The following SOX5 variants were observed in gnomAD, a reference collection of about 807,000 sequenced individuals.
SOX5 encodes transcription factor SOX-5.
In SOX5, 9 loss-of-function variants were observed where a neutral mutation model predicts 92.0. That is an observed-to-expected ratio of 0.10 (90% confidence interval 0.06 to 0.17). The LOEUF (loss-of-function observed/expected upper bound fraction) is 0.17, where lower values mean the gene tolerates loss of function less well. SOX5 is among the 10% of genes least tolerant of loss of function. The pLI is 1.00. For missense variants in SOX5, 642 were observed against 944.5 expected (o/e 0.68, Z 4.20); for synonymous variants, 344 against 336.3 (o/e 1.02, Z -0.25).
rs189810691 is a variant in SOX5, at chr12:23,688,088, C to T, written c.811-22524G>A. Among the ~76,000 whole-genome samples the T allele has an allele frequency of 1.8e-4, 27 of 152,120 alleles. 1 individual carries two copies. In the East Asian group the frequency reaches 4.8e-3, roughly 27 times the overall value. ...CTCTTTCTGTAGATCTATTTGGCTACAATTATGCTGATGCTGTACTTACAT... is the reference window on the plus strand; with the variant it reads ...CTCTTTCTGTAGATCTATTTGGCTATAATTATGCTGATGCTGTACTTACAT... On this transcript the variant is annotated intron_variant, in intron 6 of 14. Transcript: ENST00000451604.
intron 5 of SOX5, among the ~76,000 whole-genome samples, chr12:23,735,623 T>C (rs2093561505): frequency 6.6e-6 from 1 of 152,206 alleles, no homozygotes; most frequent in Non-Finnish European, 1.5e-5. Flanking sequence ...TGTGCTTCTC[T>C]AGCCTAGAAC....
intron 2 of SOX5, among the ~76,000 whole-genome samples, chr12:23,891,415 T>C (rs1051354813): frequency 3.9e-5 from 6 of 152,224 alleles, no homozygotes; most frequent in African/African-American, 1.4e-4. Context: ...TCAAGAACTC[T>C]TTCCAACTTA....
At chr12:24,350,027 G>A (rs973662163) in intron 2 of SOX5, among the ~76,000 whole-genome samples, 1 of 152,132 alleles carries the variant, frequency 6.6e-6, no homozygotes, top group Admixed American at 6.5e-5. Context: ...GGCAGTTTTG[G>A]AGACAAAATT....
chr12:24,127,357 T>C (rs1949203441), intron 4 of SOX5, among the ~76,000 whole-genome samples: 1 of 150,988 alleles, frequency 6.6e-6, no homozygotes, highest in African/African-American at 2.4e-5. Flanking sequence ...CCCCACTGCA[T>C]TCCAGCCTGG....
At chr12:24,047,828 C>A (rs1032361830) in intron 4 of SOX5, among the ~76,000 whole-genome samples, 12 of 152,156 alleles carry the variant, frequency 7.9e-5, no homozygotes, top group Admixed American at 7.2e-4. Flanking sequence ...CCAAGAAAGT[C>A]TCACTTTTTA....
intron 7 of SOX5, among the ~76,000 whole-genome samples, chr12:23,643,815 C>T (rs1368346925): frequency 6.6e-6 from 1 of 151,990 alleles, no homozygotes; most frequent in Non-Finnish European, 1.5e-5. Context: ...AGAGTGTGAT[C>T]AACAAAGGAT....
At position 24,362,223 on chromosome 12, in the gene SOX5, C is replaced by T. The variant is rs117745368; in HGVS notation, c.-174+6340G>A. ...CTCCAGAGTATGACAATTAAAAGTA[C>T]GTTACAGAAGTCATAAGGGGCACAT... On this transcript the variant is annotated intron_variant, in intron 2 of 4. Coordinates refer to the SOX5 transcript ENST00000446891. 4.1e-4 allele frequency among the ~76,000 whole-genome samples: 63 copies of T among 152,274 alleles called. 1 individual carries two copies. In the East Asian group the frequency reaches 9.1e-3, roughly 22 times the overall value.
chr12:24,434,038 A>G (rs1596582250), intron 1 of SOX5, among the ~76,000 whole-genome samples: 2 of 152,222 alleles, frequency 1.3e-5, no homozygotes, highest in Non-Finnish European at 2.9e-5. Context: ...GAGAGAGAAC[A>G]GTCTCTCGGA....
chr12:23,540,361 TATAATAATAATAATAATA>T (rs5797023), intron 13 of SOX5, among the ~76,000 whole-genome samples: 13,999 of 142,738 alleles, frequency 0.098, 1,641 homozygotes, highest in African/African-American at 0.27. Context: ...AAACTTAAAG[TATAATAATAATAATAATA>T]ATAATAATAA....
chr12:23,600,462 C>T (rs2074292518), intron 9 of SOX5, among the ~76,000 whole-genome samples: 1 of 141,906 alleles, frequency 7.0e-6, no homozygotes, highest in South Asian at 2.2e-4. Flanking sequence ...TAAAATCTGT[C>T]AATGCTCTTA....
In SOX5 at chr12:23,534,442, TG is replaced by T; in HGVS notation, c.2068del (p.His690ThrfsTer26). The T allele has an allele frequency of 6.2e-7, 1 of 1,613,994 alleles. No homozygotes were observed. Among genetic ancestry groups the T allele is most frequent in the Non-Finnish European group, 8.5e-7 (1 of 1,179,980 alleles). On this transcript the variant is annotated frameshift_variant, in exon 15 of 15. Coordinates refer to ENST00000451604, the MANE Select transcript of SOX5 (RefSeq NM_006940.6). LOFTEE classifies it high-confidence loss of function. ...CACGCTTGAGTGCTCCGAGGGCAGGTGAGGGGAGGGCATCCCAGCCATGGCG... is the reference window on the plus strand; with the variant it reads ...CACGCTTGAGTGCTCCGAGGGCAGGTAGGGGAGGGCATCCCAGCCATGGCG... The part of the protein sequence containing the change: ...AIAMAGMPSP[H>X]LPSEHSSVSS...
intron 1 of SOX5, among the ~76,000 whole-genome samples, chr12:24,475,706 G>C (rs1250804928): frequency 5.9e-5 from 9 of 152,226 alleles, no homozygotes; most frequent in South Asian, 2.1e-4. Context: ...AGAGAGCCAG[G>C]TGCAGTGGCT....
intron 4 of SOX5, among the ~76,000 whole-genome samples, chr12:23,958,803 G>T (rs1454338402): frequency 6.6e-6 from 1 of 150,976 alleles, no homozygotes; most frequent in Admixed American, 6.6e-5. Context: ...GTTATACTTA[G>T]TAAAATATAT....
intron 4 of SOX5, among the ~76,000 whole-genome samples, chr12:23,994,044 G>A (rs1302914764): frequency 6.6e-6 from 1 of 151,918 alleles, no homozygotes; most frequent in African/African-American, 2.4e-5. Flanking sequence ...AGCTCAGGAG[G>A]TCGAGGCTGC....
At position 23,792,622 on chromosome 12, in the gene SOX5, CAAAAAAAAAAAAAAAAAAAA is replaced by C. The variant is rs749845598; in HGVS notation, c.482-36918_482-36899del. Among the ~76,000 whole-genome samples the C allele has an allele frequency of 1.7e-3, 66 of 38,968 alleles. No homozygotes were observed. The South Asian group carries it at 0.041, about 24-fold the overall frequency. The allele number at this position is 38,968 out of a possible 152,430, so 25.6% of individuals were successfully genotyped here. ...TGGGCAATAGAGTGAGGCTCTGTCT[CAAAAAAAAAAAAAAAAAAAA>C]AAAAAAAAAAAAAAAAAAAACTTGG... is the stretch of plus-strand genomic sequence containing the variant. On this transcript the variant is annotated intron_variant, in intron 3 of 14. Coordinates refer to ENST00000451604, the MANE Select transcript of SOX5 (RefSeq NM_006940.6).
In SOX5 at chr12:24,276,550, T is replaced by A. The variant is rs192150775; in HGVS notation, c.-77+666A>T. ...ACAGAATTCCTTCCTTTCATCCTTT[T>A]CTGCAGTTACCTGCATGATGACTAG... On this transcript the variant is annotated intron_variant, in intron 3 of 4. Transcript: ENST00000446891. Among the ~76,000 whole-genome samples the A allele has an allele frequency of 7.9e-5, 12 of 152,316 alleles. No homozygotes were observed. In the East Asian group the frequency reaches 1.9e-3, roughly 24 times the overall value.
At chr12:24,274,365 G>A (rs1473587543) in intron 3 of SOX5, among the ~76,000 whole-genome samples, 1 of 152,098 alleles carries the variant, frequency 6.6e-6, no homozygotes, top group Non-Finnish European at 1.5e-5. Context: ...TTTATAAAGT[G>A]ACTCTATCTC....
At chr12:23,855,265 C>A (rs916450748) in intron 2 of SOX5, among the ~76,000 whole-genome samples, 3 of 151,662 alleles carry the variant, frequency 2.0e-5, no homozygotes, top group African/African-American at 7.3e-5. Context: ...TTAAAGATAA[C>A]CTAATACAAA....
chr12:23,742,470 A>G (rs1443871790), intron 4 of SOX5, among the ~76,000 whole-genome samples: 1 of 152,196 alleles, frequency 6.6e-6, no homozygotes, highest in South Asian at 2.1e-4. Flanking sequence ...CACTAACTCC[A>G]TGAATAATAG....
Sources: allele counts gnomAD v4.1 joint callset (sites outside exome capture counted in the v4.1 genomes callset), GRCh38; gene constraint gnomAD v4.1.1; transcripts MANE v1.5; gene names NCBI Gene and HGNC (gene_info 2026-07-23, HGNC 2026-07-21).